TMCC2: variants seen among roughly 807,000 people sequenced by gnomAD.
TMCC2 encodes transmembrane and coiled-coil domains protein 2.
In TMCC2, 16 loss-of-function variants were observed where a neutral mutation model predicts 49.4. That is an observed-to-expected ratio of 0.32 (90% CI 0.22 to 0.49). TMCC2 has a LOEUF of 0.49. Among genes scored for constraint, TMCC2 ranks in the 20% least tolerant of loss-of-function variants. The pLI, the probability that TMCC2 is intolerant of heterozygous loss-of-function variation, is 0.99. For synonymous variants in TMCC2, 397 were observed against 434.1 expected, an observed-to-expected ratio of 0.91 and a Z score of 1.06; for missense variants, 762 against 989.8, an observed-to-expected ratio of 0.77 and a Z score of 3.09.
Position 205,241,397 on chromosome 1 carries a change from A to C in TMCC2, c.208-108A>C. 2 of 1,212,576 alleles carry C rather than the reference A, an allele frequency of 1.6e-6. No individual in the cohort carries two copies. The highest frequency in any genetic ancestry group is 2.3e-6 in the Non-Finnish European group (2 of 870,360). 75.1% of individuals were successfully genotyped at this position (1,212,576 alleles called of 1,614,324 possible). ...AGATCTTCCAGGTTCAGATGGCTGC[A>C]TTAGCTATGCCAGTCTACCAAGGAC... On this transcript the variant is annotated intron_variant, in intron 1 of 4. Transcript: ENST00000358024. This position sits in a 1 kb window ranked among gnomAD's most constrained non-coding sequence, Gnocchi z 7.3.
intron 1 of TMCC2, chr1:205,229,807 C>T (rs775940269): frequency 6.1e-6 from 6 of 985,130 alleles, no homozygotes; most frequent in South Asian, 9.4e-5. Flanking sequence ...CCTGAGGTTG[C>T]CGAGACAATT....
intron 2 of TMCC2, among the ~76,000 whole-genome samples, chr1:205,250,037 G>A (rs1367148155): frequency 6.6e-6 from 1 of 152,208 alleles, no homozygotes; most frequent in Non-Finnish European, 1.5e-5. Context: ...CTCATGTTCA[G>A]GTGAAGCCCT....
intron 4 of TMCC2, 196 bp downstream of exon 4, chr1:205,271,451 G>A (rs1017909370): frequency 2.6e-5 from 23 of 885,282 alleles, no homozygotes; most frequent in Admixed American, 1.4e-4. Flanking sequence ...GGCTGACAGC[G>A]TGCACTGTGC....
In TMCC2 at chr1:205,241,817, GGCAGCAGCGGGA is replaced by G; in HGVS notation, c.529_540del (p.Gly177_Ser180del). 3 of 1,602,672 alleles carry G rather than the reference GGCAGCAGCGGGA, an allele frequency of 1.9e-6. No individual in the cohort carries two copies. Among genetic ancestry groups the G allele is most frequent in the Non-Finnish European group, 2.6e-6 (3 of 1,175,882 alleles). ...CAGCCTGCACAGCAGCAGTGGGGGC[GGCAGCAGCGGGA>G]GCAGCAGCCGGCGCACCAAGAGTAG... is the stretch of plus-strand genomic sequence containing the variant. On this transcript the variant is annotated inframe_deletion, in exon 2 of 5. Coordinates refer to ENST00000358024, the MANE Select transcript of TMCC2 (RefSeq NM_014858.4). This position sits in a 1 kb window ranked among gnomAD's most constrained non-coding sequence, Gnocchi z 7.3.
intron 1 of TMCC2, chr1:205,229,937 A>T (rs889970119): frequency 2.0e-6 from 2 of 985,482 alleles, no homozygotes; most frequent in Non-Finnish European, 2.4e-6. Flanking sequence ...CTCACCGTCC[A>T]GCTGAGCGAG....
rs1660250024 is a variant in TMCC2 at position 205,241,262 on chromosome 1, G to T, written c.208-243G>T. On this transcript the variant is annotated intron_variant, in intron 1 of 4. Transcript: ENST00000358024. The surrounding 1 kb of genome is among the most constrained non-coding windows in gnomAD (Gnocchi z 7.3). Reference sequence around the variant, plus strand: ...AACTCTGAACCTTCATTTTGATTAGGAATGTCCCGTGGAAAACCGTGGGGG... The same window carrying T: ...AACTCTGAACCTTCATTTTGATTAGTAATGTCCCGTGGAAAACCGTGGGGG... Among the ~76,000 whole-genome samples the T allele has an allele frequency of 1.3e-5, 2 of 152,124 alleles. No individual in the cohort carries two copies. Among genetic ancestry groups the T allele is most frequent in the Non-Finnish European group, 2.9e-5 (2 of 68,024 alleles).
chr1:205,266,136 G>A (rs1021733356), intron 2 of TMCC2, among the ~76,000 whole-genome samples: 6 of 151,398 alleles, frequency 4.0e-5, no homozygotes, highest in African/African-American at 1.2e-4. Flanking sequence ...AGCTACTCGG[G>A]AGGCCGAGGC....
chr1:205,269,249 G>A lies in TMCC2; in HGVS notation c.1047G>A (p.Gln349=). ...AGAAGTCAGCCCAGACCATCGCCCA[G>A]CTGCACAAGAAGCTGGAGCACTACC... ...KNQKSAQTIA[Q]LHKKLEHYRR... is the part of the protein sequence containing the mutation. Residue 349 remains glutamine (Q), a synonymous_variant, in exon 3 of 5, where the codon CAG becomes CAA. Transcript: ENST00000358024. 1 of 1,613,930 alleles carries A rather than the reference G, an allele frequency of 6.2e-7. No individual in the cohort carries two copies. The highest frequency in any genetic ancestry group is 8.5e-7 in the Non-Finnish European group (1 of 1,180,044).
chr1:205,269,414 G>A lies in TMCC2; in HGVS notation c.1212G>A (p.Glu404=). Reference sequence around the variant, plus strand: ...GCGGCTTTGGGGGCGGCGTGGTGGAGGGCGTCAAGGGCAGCCTCTCTGGCC... The same window carrying A: ...GCGGCTTTGGGGGCGGCGTGGTGGAAGGCGTCAAGGGCAGCCTCTCTGGCC... ...GISGFGGGVV[E]GVKGSLSGLS... The change falls in exon 3 of 5, where the codon GAG becomes GAA. Residue 404 remains glutamate (E), a synonymous_variant. Transcript: ENST00000358024. The A allele has an allele frequency of 6.2e-7, 1 of 1,605,900 alleles. No homozygotes were observed. The highest frequency in any genetic ancestry group is 1.3e-5 in the African/African-American group (1 of 74,890).
Position 205,241,781 on chromosome 1 carries a change from A to G in TMCC2, c.484A>G (p.Lys162Glu), listed in dbSNP as rs1223371441. 1 of 1,608,716 alleles carries G rather than the reference A, an allele frequency of 6.2e-7. No homozygotes were observed. The highest frequency in any genetic ancestry group is 8.5e-7 in the Non-Finnish European group (1 of 1,178,666). ...LQQIRSRPSIKRGASLHSSSG... is the reference protein window; with the variant it reads ...LQQIRSRPSIERGASLHSSSG... Reference sequence around the variant, plus strand: ...GCAGATCCGCTCCCGGCCCTCCATCAAGCGGGGCGCCAGCCTGCACAGCAG... The same window carrying G: ...GCAGATCCGCTCCCGGCCCTCCATCGAGCGGGGCGCCAGCCTGCACAGCAG... The change falls in exon 2 of 5, where the codon AAG (lysine) becomes GAG (glutamate). Residue 162 changes from lysine (K) to glutamate (E), a missense_variant. By Grantham distance (56) the Lys-to-Glu change is moderately conservative. This residue lies in a region of TMCC2 where 322 missense variants were observed against 353.1 expected (regional missense o/e 0.91). Coordinates refer to ENST00000358024, the MANE Select transcript of TMCC2 (RefSeq NM_014858.4). This position sits in a 1 kb window ranked among gnomAD's most constrained non-coding sequence, Gnocchi z 7.3.
In TMCC2 at chr1:205,273,005, C is replaced by G. The variant is rs891094976; in HGVS notation, c.*881C>G. The G allele has an allele frequency of 3.9e-5, 6 of 152,276 alleles. No homozygotes were observed. The highest frequency in any genetic ancestry group is 1.4e-4 in the African/African-American group (6 of 41,442). The allele number at this position is 152,276 out of a possible 1,614,324, so 9.4% of individuals were successfully genotyped here. ...GCCAGGGCCCTTCCATTCCATTTAG[C>G]CTTTGGATCATCCTGGCTGGGAGAA... On this transcript the variant is annotated 3_prime_UTR_variant, in exon 5 of 5. Coordinates refer to ENST00000358024, the MANE Select transcript of TMCC2 (RefSeq NM_014858.4).
At chr1:205,270,746 A>AGAGCCCAGGTTGAAGTCAGCCAATCC (rs1243174923) in intron 3 of TMCC2, among the ~76,000 whole-genome samples, 1 of 152,196 alleles carries the variant, frequency 6.6e-6, no homozygotes, top group Non-Finnish European at 1.5e-5. Context: ...CTAGGGCTTA[A>AGAGCCCAGGTTGAAGTCAGCCAATCC]GAGCCCAGGT....
chr1:205,269,701 C>T lies in TMCC2; in HGVS notation c.1499C>T (p.Ala500Val), dbSNP rs749484907. The T allele has an allele frequency of 2.5e-5, 41 of 1,613,948 alleles. No individual in the cohort carries two copies. Among genetic ancestry groups the T allele is most frequent in the Middle Eastern group, 3.3e-4 (2 of 6,084 alleles). Residue 500 changes from alanine to valine, a missense_variant, in exon 3 of 5, where the codon GCG becomes GTG. Transcript: ENST00000358024. ...AACTCTGGGGCTGGGCCTGGTGGGG[C>T]GCTGGGGAGCCCTAAGTCCAATGCA... is the stretch of plus-strand genomic sequence containing the variant. The part of the protein sequence containing the change: ...GSNSGAGPGG[A>V]LGSPKSNALY...
chr1:205,257,488 G>C (rs1177943204), intron 2 of TMCC2: 3 of 1,042,966 alleles, frequency 2.9e-6, no homozygotes, highest in African/African-American at 1.6e-5. Context: ...CTCTCAGGGA[G>C]CTCTCCTCCA....
rs535274777 is a variant in TMCC2 at position 205,232,662 on chromosome 1, G to A, written c.207+3891G>A. Among the ~76,000 whole-genome samples the A allele has an allele frequency of 7.2e-5, 11 of 152,132 alleles. No homozygotes were observed. In the South Asian group the frequency reaches 2.1e-3, roughly 29 times the overall value. On this transcript the variant is annotated intron_variant, in intron 1 of 4. Coordinates refer to ENST00000358024, the MANE Select transcript of TMCC2 (RefSeq NM_014858.4). ...ATACAGCATACGGGCCGGGAGCGGT[G>A]GGTGGCTCATGCCAGTAATCCCAGC...
chr1:205,261,737 G>A (rs1432865202), intron 2 of TMCC2, among the ~76,000 whole-genome samples: 1 of 151,830 alleles, frequency 6.6e-6, no homozygotes, highest in East Asian at 1.9e-4. Flanking sequence ...TAATTTGTTC[G>A]TATTTGTTTC....
At chr1:205,260,770 A>ATCAT (rs1447316451) in intron 2 of TMCC2, among the ~76,000 whole-genome samples, 1,843 of 151,694 alleles carry the variant, frequency 0.012, 45 homozygotes, top group African/African-American at 0.042. Flanking sequence ...ATATAATGGA[A>ATCAT]TCATTCATTA....
chr1:205,255,452 G>A (rs761521375), intron 2 of TMCC2, among the ~76,000 whole-genome samples: 2 of 152,306 alleles, frequency 1.3e-5, no homozygotes, highest in Non-Finnish European at 2.9e-5. Flanking sequence ...CTACTTGGGA[G>A]ACTGAAGCAG....
intron 2 of TMCC2, among the ~76,000 whole-genome samples, chr1:205,251,869 C>A (rs1660683409): frequency 6.6e-6 from 1 of 152,226 alleles, no homozygotes; most frequent in Non-Finnish European, 1.5e-5. Context: ...TCATGGTATG[C>A]TCTGAGCCCT....
Sources: allele counts gnomAD v4.1 joint callset (sites outside exome capture counted in the v4.1 genomes callset), GRCh38; gene constraint gnomAD v4.1.1; regional missense constraint gnomAD v4.1.1; non-coding constraint Gnocchi (gnomAD v3.1); transcripts MANE v1.5; gene names NCBI Gene and HGNC (gene_info 2026-07-23, HGNC 2026-07-21).